MTARC1: variants seen among roughly 807,000 people sequenced by gnomAD.
The protein encoded by MTARC1 is mitochondrial amidoxime-reducing component 1.
MTARC1 carries 24 observed loss-of-function variants against 33.6 expected under a neutral mutation model. The observed-to-expected ratio is 0.72, with a 90% confidence interval of 0.52 to 1.01. The LOEUF (loss-of-function observed/expected upper bound fraction) is 1.01. Among genes scored for constraint, MTARC1 ranks in the 50% least tolerant of loss-of-function variants. MTARC1 has a pLI of 0.00. For synonymous variants in MTARC1, 187 were observed against 189.5 expected (o/e 0.99, Z 0.11); for missense variants, 417 against 445.7 (o/e 0.94, Z 0.58).
chr1:220,816,479 A>G lies in MTARC1; in HGVS notation c.*3061A>G, dbSNP rs1427142276. ...AAAGTTTGCCTTTCGGGATGCTTCT[A>G]AAAACAATTCCATGGACCAGTAAGT... On this transcript the variant is annotated 3_prime_UTR_variant, in exon 7 of 7. Coordinates refer to ENST00000366910, the MANE Select transcript of MTARC1 (RefSeq NM_022746.4). The G allele has an allele frequency of 6.6e-6, 1 of 152,186 alleles. No individual in the cohort carries two copies. Among genetic ancestry groups the G allele is most frequent in the East Asian group, 1.9e-4 (1 of 5,198 alleles). 9.4% of individuals were successfully genotyped at this position (152,186 alleles called of 1,614,324 possible).
intron 6 of MTARC1, chr1:220,808,791 G>T: frequency 2.1e-6 from 1 of 470,896 alleles, no homozygotes. Context: ...CTCACAGCGG[G>T]AGGCACAGTG....
Position 220,818,982 on chromosome 1 carries a change from C to A in MTARC1, c.*5564C>A, listed in dbSNP as rs180701465. The A allele has an allele frequency of 1.3e-5, 2 of 152,292 alleles. No homozygotes were observed. The highest frequency in any genetic ancestry group is 3.9e-4 in the East Asian group (2 of 5,168). 9.4% of individuals were successfully genotyped at this position (152,292 alleles called of 1,614,324 possible). On this transcript the variant is annotated 3_prime_UTR_variant, in exon 7 of 7. Coordinates refer to ENST00000366910, the MANE Select transcript of MTARC1 (RefSeq NM_022746.4). Reference sequence around the variant, plus strand: ...AATTGATCGTCCAGCGCTCACATAGCTACCGCGGATCTGAGCCCGTATGAC... The same window carrying A: ...AATTGATCGTCCAGCGCTCACATAGATACCGCGGATCTGAGCCCGTATGAC...
At chr1:220,795,137 C>A (rs1218041077) in intron 2 of MTARC1, among the ~76,000 whole-genome samples, 1 of 152,098 alleles carries the variant, frequency 6.6e-6, no homozygotes, top group African/African-American at 2.4e-5. Context: ...TATGGAGTAA[C>A]TATACAAAGA....
intron 4 of MTARC1, among the ~76,000 whole-genome samples, chr1:220,801,631 G>A (rs1672809992): frequency 6.6e-6 from 1 of 152,184 alleles, no homozygotes; most frequent in African/African-American, 2.4e-5. Flanking sequence ...GGAGAGGAGG[G>A]GAGCTGAGAG....
chr1:220,787,845 C>A (rs1571658477), intron 1 of MTARC1, among the ~76,000 whole-genome samples: 1 of 151,000 alleles, frequency 6.6e-6, no homozygotes, highest in African/African-American at 2.4e-5. Flanking sequence ...AACAAACAAA[C>A]AAAAAAACAA....
At chr1:220,787,584 T>G (rs993383582) in intron 1 of MTARC1, among the ~76,000 whole-genome samples, 10 of 152,068 alleles carry the variant, frequency 6.6e-5, no homozygotes, top group Admixed American at 2.6e-4. Flanking sequence ...AAGAGGTTGG[T>G]TCCCAGTCGC....
chr1:220,800,508 A>G (rs1044807524), intron 4 of MTARC1, among the ~76,000 whole-genome samples: 7 of 152,152 alleles, frequency 4.6e-5, no homozygotes, highest in Non-Finnish European at 1.0e-4. Context: ...GGTGAGCTGA[A>G]GCATGGGGCA....
chr1:220,813,299 C>G lies in MTARC1; in HGVS notation c.895C>G (p.Gln299Glu). ...GATCTTTTCCTATTGCAGTTATCGC[C>G]AGTGTGACCCTTCAGAACGAAAGTT... ...EPLETLKSYR[Q>E]CDPSERKLYG... The change falls in exon 7 of 7, where the codon CAG becomes GAG. Residue 299 changes from glutamine to glutamate, a missense_variant. Physicochemically the swap from Gln to Glu is conservative, Grantham distance 29. Coordinates refer to ENST00000366910, the MANE Select transcript of MTARC1 (RefSeq NM_022746.4). 6.2e-7 allele frequency: 1 copy of G among 1,614,070 alleles called. No individual in the cohort carries two copies. The highest frequency in any genetic ancestry group is 8.5e-7 in the Non-Finnish European group (1 of 1,180,020).
At chr1:220,802,466 G>A (rs1571675223) in intron 4 of MTARC1, among the ~76,000 whole-genome samples, 1 of 152,190 alleles carries the variant, frequency 6.6e-6, no homozygotes, top group African/African-American at 2.4e-5. Flanking sequence ...TGAGTAGCTG[G>A]GATTACAGGC....
At chr1:220,805,301 C>T (rs1156423415) in intron 6 of MTARC1, 27 bp downstream of exon 6, 12 of 1,611,866 alleles carry the variant, frequency 7.4e-6, no homozygotes, top group Non-Finnish European at 9.3e-6. Flanking sequence ...GGGGCTCATC[C>T]TCGGGTTTAG....
At chr1:220,799,210 A>G (rs970710082) in intron 4 of MTARC1, 1 of 975,188 alleles carries the variant, frequency 1.0e-6, no homozygotes. Flanking sequence ...TTCATATAAA[A>G]TACTCATTGC....
Position 220,796,628 on chromosome 1 carries a change from C to T in MTARC1, c.450-15C>T. 6.4e-7 allele frequency: 1 copy of T among 1,555,726 alleles called. No homozygotes were observed. Among genetic ancestry groups the T allele is most frequent in the Non-Finnish European group, 8.6e-7 (1 of 1,156,492 alleles). ...TCAAAGCCATGTCTGCCCTTTGCTC[C>T]TGCTACCCCTGCAGAGTGCACGGCC... On this transcript the variant is annotated splice_polypyrimidine_tract_variant and intron_variant, in intron 2 of 6. Coordinates refer to ENST00000366910, the MANE Select transcript of MTARC1 (RefSeq NM_022746.4).
chr1:220,814,895 A>G lies in MTARC1; in HGVS notation c.*1477A>G, dbSNP rs1673244247. The G allele has an allele frequency of 6.6e-6, 1 of 152,254 alleles. No homozygotes were observed. Among genetic ancestry groups the G allele is most frequent in the African/African-American group, 2.4e-5 (1 of 41,468 alleles). The allele number at this position is 152,254 out of a possible 1,614,324, so 9.4% of individuals were successfully genotyped here. On this transcript the variant is annotated 3_prime_UTR_variant, in exon 7 of 7. Transcript: ENST00000366910. ...CCCATGTTTGAAGGACTATCAAGTC[A>G]ACATGCTTTTTACCAAAAGCTGCAC... is the stretch of plus-strand genomic sequence containing the variant.
At chr1:220,811,224 G>A (rs1350664125) in intron 6 of MTARC1, among the ~76,000 whole-genome samples, 1 of 152,220 alleles carries the variant, frequency 6.6e-6, no homozygotes, top group Non-Finnish European at 1.5e-5. Flanking sequence ...AGAGATGCCT[G>A]GTTTGTCAGG....
intron 4 of MTARC1, among the ~76,000 whole-genome samples, chr1:220,804,662 A>G (rs1672916641): frequency 6.6e-6 from 1 of 152,094 alleles, no homozygotes; most frequent in Non-Finnish European, 1.5e-5. Context: ...AAGGGATCTG[A>G]TATAATCTGA....
chr1:220,813,187 T>G, intron 6 of MTARC1, 105 bp from the exon 7 acceptor site: 1 of 1,490,528 alleles, frequency 6.7e-7, no homozygotes, highest in Non-Finnish European at 9.3e-7. Flanking sequence ...GATGGTGCCC[T>G]CTCGAGCTGT....
rs750480060 is a variant in MTARC1, at chr1:220,805,232, C to G, written c.845C>G (p.Thr282Ser). 1 of 1,613,754 alleles carries G rather than the reference C, an allele frequency of 6.2e-7. No homozygotes were observed. The highest frequency in any genetic ancestry group is 1.1e-5 in the South Asian group (1 of 91,028). The change falls in exon 6 of 7, where the codon ACC (threonine) becomes AGC (serine). Residue 282 changes from threonine (T) to serine (S), a missense_variant. Coordinates refer to ENST00000366910, the MANE Select transcript of MTARC1 (RefSeq NM_022746.4). Reference protein sequence around the residue: ...RCILTTVDPDTGVMSRKEPLE... With the variant: ...RCILTTVDPDSGVMSRKEPLE... ...ATTTTAACCACAGTGGACCCAGACA[C>G]CGGTGTCATGAGCAGGAAGGAACCG...
chr1:220,791,379 C>G, intron 1 of MTARC1, 112 bp from the exon 2 acceptor site: 36 of 1,192,162 alleles, frequency 3.0e-5, no homozygotes, highest in Non-Finnish European at 3.9e-5. Flanking sequence ...TCACACACAC[C>G]AGGCTTATGG....
rs1673335373 is a variant in MTARC1 at position 220,819,097 on chromosome 1, C to A, written c.*5679C>A. On this transcript the variant is annotated 3_prime_UTR_variant, in exon 7 of 7. Transcript: ENST00000366910. ...GAGGTTCTTCTGTGGCCAGAGTTGC[C>A]AAGACCAAGGCTGTAATGGTTTGTT... The A allele has an allele frequency of 6.6e-6, 1 of 152,146 alleles. No individual in the cohort carries two copies. Among genetic ancestry groups the A allele is most frequent in the African/African-American group, 2.4e-5 (1 of 41,408 alleles). 9.4% of individuals were successfully genotyped at this position (152,146 alleles called of 1,614,324 possible).
Sources: allele counts gnomAD v4.1 joint callset (sites outside exome capture counted in the v4.1 genomes callset), GRCh38; gene constraint gnomAD v4.1.1; transcripts MANE v1.5; gene names NCBI Gene and HGNC (gene_info 2026-07-23, HGNC 2026-07-21).